Variants in ZGRF1 observed in about 807,000 individuals in gnomAD.
ZGRF1 encodes the protein 5'-3' DNA helicase ZGRF1.
Under a neutral mutation model 203.5 loss-of-function variants are expected in ZGRF1, and 196 were observed. The ratio of observed to expected loss-of-function variants is 0.96; its 90% CI spans 0.86 to 1.08. The LOEUF (loss-of-function observed/expected upper bound fraction) is 1.08. Ranked by LOEUF, ZGRF1 falls within the 50% of genes least tolerant of loss-of-function variation. The pLI is 0.00. For missense variants in ZGRF1, 2,326 were observed against 2,416.3 expected, an observed-to-expected ratio of 0.96 and a Z score of 0.78; for synonymous variants, 809 against 841.3, an observed-to-expected ratio of 0.96 and a Z score of 0.66.
chr4:112,621,910 TAGAGA>T (rs2047074036), intron 4 of ZGRF1, among the ~76,000 whole-genome samples: 1 of 151,180 alleles, frequency 6.6e-6, no homozygotes, highest in African/African-American at 2.4e-5. Context: ...GTATGTTTAG[TAGAGA>T]AGAGGTTTCT....
At chr4:112,556,812 AT>A (rs1193974941) in intron 20 of ZGRF1, among the ~76,000 whole-genome samples, 1 of 152,216 alleles carries the variant, frequency 6.6e-6, no homozygotes, top group Non-Finnish European at 1.5e-5. Flanking sequence ...TAGTCTGCAT[AT>A]ATTCTACCAT....
chr4:112,581,127 A>T (rs992293330), intron 16 of ZGRF1, among the ~76,000 whole-genome samples: 1 of 151,988 alleles, frequency 6.6e-6, no homozygotes, highest in Non-Finnish European at 1.5e-5. Flanking sequence ...TGTCCTCTGT[A>T]GGGACATGGA....
At chr4:112,546,718 G>C (rs1305020650) in intron 24 of ZGRF1, 1 of 152,180 alleles carries the variant, frequency 6.6e-6, no homozygotes, top group Non-Finnish European at 1.5e-5. Context: ...TATCACATGA[G>C]TGGCTTACTC....
At chr4:112,595,056 A>G (rs1748772489) in intron 10 of ZGRF1, among the ~76,000 whole-genome samples, 1 of 152,026 alleles carries the variant, frequency 6.6e-6, no homozygotes, top group African/African-American at 2.4e-5. Flanking sequence ...AGCCTGGCCA[A>G]CATGGTGAAA....
intron 9 of ZGRF1, among the ~76,000 whole-genome samples, chr4:112,605,245 C>T (rs1750599178): frequency 6.6e-6 from 1 of 152,064 alleles, no homozygotes; most frequent in African/African-American, 2.4e-5. Context: ...GCTGCAACCT[C>T]CACCTCCCAG....
intron 3 of ZGRF1, among the ~76,000 whole-genome samples, chr4:112,627,742 A>G (rs188930395): frequency 2.0e-5 from 3 of 152,230 alleles, no homozygotes; most frequent in Non-Finnish European, 4.4e-5. Flanking sequence ...TTCTACTCAA[A>G]AAAATAGAAT....
intron 10 of ZGRF1, among the ~76,000 whole-genome samples, chr4:112,597,948 T>C (rs912820519): frequency 6.7e-6 from 1 of 149,748 alleles, no homozygotes; most frequent in Admixed American, 6.7e-5. Context: ...CATATCCAAA[T>C]TCTACACTAA....
intron 3 of ZGRF1, among the ~76,000 whole-genome samples, chr4:112,626,104 G>C (rs1360649996): frequency 3.3e-5 from 5 of 152,070 alleles, no homozygotes; most frequent in African/African-American, 1.2e-4. Context: ...CTGGGGGCTG[G>C]GTACTGAGTA....
At position 112,564,484 on chromosome 4, in the gene ZGRF1, A is replaced by T. The variant is rs182931362; in HGVS notation, c.4439-1210T>A. Among the ~76,000 whole-genome samples, 13 of 152,328 alleles carry T rather than the reference A, an allele frequency of 8.5e-5. No individual in the cohort carries two copies. The East Asian group carries it at 2.5e-3, about 29-fold the overall frequency. On this transcript the variant is annotated intron_variant, in intron 16 of 27. Transcript: ENST00000505019. The stretch of plus-strand genomic sequence containing the variant: ...ATTTTCTCTGCTGCAAATAGGAATG[A>T]GAGATTGAAGTGAAGAAAATAAACT...
Position 112,587,625 on chromosome 4 carries a change from G to A in ZGRF1, c.3432C>T (p.Ser1144=). Residue 1144 remains serine (S), a synonymous_variant, in exon 12 of 28, where the codon AGC becomes AGT. Coordinates refer to ENST00000505019, the MANE Select transcript of ZGRF1 (RefSeq NM_018392.5). The part of the protein sequence containing the change: ...DVSLNNISTQ[S]KWLKYQNTSQ... ...ATGTGTTTTGATATTTCAGCCACTT[G>A]CTCTGAGTAGATATATTATTAAGTG... 6.2e-7 allele frequency: 1 copy of A among 1,613,812 alleles called. No individual in the cohort carries two copies. The highest frequency in any genetic ancestry group is 8.5e-7 in the Non-Finnish European group (1 of 1,179,794).
rs1203494960 is a variant in ZGRF1, at chr4:112,633,106, G to A, written c.21+50C>T. 2.0e-6 allele frequency: 3 copies of A among 1,537,436 alleles called. No individual in the cohort carries two copies. In the African/African-American group the frequency reaches 4.1e-5, roughly 21 times the overall value. On this transcript the variant is annotated intron_variant, in intron 2 of 27. Transcript: ENST00000505019. ...GTTTGTGAAACGCCTTTAAAAGAAA[G>A]AGACAGAGGAAGGGAATTTCACCAA...
rs746845084 is a variant in ZGRF1 at position 112,581,782 on chromosome 4, C to G, written c.4319G>C (p.Arg1440Thr). ...LLVRKGFDFQ[R>T]KQYGKLKKFT... ...CTTCTTTAGTTTGCCATACTGTTTT[C>G]TCTGAAAATCAAATCCTTTTCTGAA... The change falls in exon 16 of 28, where the codon AGA becomes ACA. Residue 1440 changes from arginine to threonine, a missense_variant. By Grantham distance (71) the Arg-to-Thr change is moderately conservative. Transcript: ENST00000505019. 1 of 1,430,834 alleles carries G rather than the reference C, an allele frequency of 7.0e-7. No homozygotes were observed. The highest frequency in any genetic ancestry group is 2.6e-5 in the East Asian group (1 of 38,040). 88.6% of individuals were successfully genotyped at this position (1,430,834 alleles called of 1,614,324 possible).
At chr4:112,602,117 C>G (rs921386942) in intron 10 of ZGRF1, among the ~76,000 whole-genome samples, 1 of 151,708 alleles carries the variant, frequency 6.6e-6, no homozygotes. Context: ...GCAGGAGAAT[C>G]GCTTGAACCC....
At chr4:112,544,154 T>G (rs1738277673) in intron 24 of ZGRF1, among the ~76,000 whole-genome samples, 1 of 152,200 alleles carries the variant, frequency 6.6e-6, no homozygotes, top group African/African-American at 2.4e-5. Flanking sequence ...CTTCGTTCTT[T>G]GCAAAACGGA....
chr4:112,562,128 C>T (rs752713058), intron 18 of ZGRF1: 4 of 339,280 alleles, frequency 1.2e-5, no homozygotes, highest in African/African-American at 2.1e-5. Context: ...AGGCTGGTCT[C>T]GAACTCCCGA....
intron 3 of ZGRF1, among the ~76,000 whole-genome samples, chr4:112,629,514 T>A (rs1034218407): frequency 7.1e-6 from 1 of 140,936 alleles, no homozygotes; most frequent in Non-Finnish European, 1.6e-5. Flanking sequence ...CTACAAAAAA[T>A]GTAAAAATTG....
chr4:112,563,143 A>C lies in ZGRF1; in HGVS notation c.4570T>G (p.Trp1524Gly), dbSNP rs1449516482. Reference sequence around the variant, plus strand: ...TAGTAATACTCACTGTTAGTGGGCCAATTAGAAGGGAAATAGCCTTTCAAA... The same window carrying C: ...TAGTAATACTCACTGTTAGTGGGCCCATTAGAAGGGAAATAGCCTTTCAAA... ...LPLKGYFPSN[W>G]PTNMVVHALL... The change falls in exon 17 of 28, where the codon TGG (tryptophan) becomes GGG (glycine). Residue 1524 changes from tryptophan to glycine, a missense_variant. Trp to Gly is a radical substitution (Grantham distance 184, BLOSUM62 -2). Coordinates refer to ENST00000505019, the MANE Select transcript of ZGRF1 (RefSeq NM_018392.5). The C allele has an allele frequency of 6.5e-7, 1 of 1,549,040 alleles. No homozygotes were observed. Among genetic ancestry groups the C allele is most frequent in the African/African-American group, 1.4e-5 (1 of 72,986 alleles).
chr4:112,620,633 G>A (rs1230926825), intron 4 of ZGRF1, among the ~76,000 whole-genome samples: 1 of 152,020 alleles, frequency 6.6e-6, no homozygotes, highest in East Asian at 1.9e-4. Context: ...CCAAGGCAGG[G>A]GGATTGCTTG....
At chr4:112,625,428 CA>C (rs1172376835) in intron 3 of ZGRF1, among the ~76,000 whole-genome samples, 6 of 149,370 alleles carry the variant, frequency 4.0e-5, no homozygotes, top group Non-Finnish European at 7.4e-5. Flanking sequence ...ACTAAAAATA[CA>C]AAAAAATTAG....
Sources: allele counts gnomAD v4.1 joint callset (sites outside exome capture counted in the v4.1 genomes callset), GRCh38; gene constraint gnomAD v4.1.1; transcripts MANE v1.5; gene names NCBI Gene and HGNC (gene_info 2026-07-23, HGNC 2026-07-21).